DCC: variants seen among roughly 807,000 people sequenced by gnomAD.
DCC encodes DCC netrin 1 receptor.
In DCC, 58 loss-of-function variants were observed where a neutral mutation model predicts 172.5. The observed-to-expected ratio is 0.34, with a 90% confidence interval of 0.27 to 0.42. The LOEUF (loss-of-function observed/expected upper bound fraction) is 0.42, where lower values mean the gene tolerates loss of function less well. Among genes scored for constraint, DCC ranks in the 10% least tolerant of loss-of-function variants. DCC has a pLI of 1.00. For synonymous variants in DCC, 709 were observed against 644.5 expected (o/e 1.10, Z -1.52); for missense variants, 1,740 against 1,791.0 (o/e 0.97, Z 0.51).
chr18:52,938,224 TAAAG>T (rs1468966253), intron 5 of DCC, among the ~76,000 whole-genome samples: 1 of 152,128 alleles, frequency 6.6e-6, no homozygotes, highest in Non-Finnish European at 1.5e-5. Flanking sequence ...AAATCTGTGA[TAAAG>T]ATTCATACCA....
chr18:53,272,459 T>G (rs886453077), intron 12 of DCC, among the ~76,000 whole-genome samples: 2 of 152,160 alleles, frequency 1.3e-5, no homozygotes, highest in African/African-American at 4.8e-5. Flanking sequence ...TGCCACTCTT[T>G]GCCAGAAGAG....
intron 15 of DCC, among the ~76,000 whole-genome samples, 170 bp downstream of exon 15, chr18:53,340,077 TACAC>T (rs1384746117): frequency 2.0e-5 from 2 of 101,324 alleles, no homozygotes; most frequent in East Asian, 4.1e-4. Context: ...CACACACACA[TACAC>T]ACACACACAG....
chr18:52,617,068 A>G (rs1023296159), intron 1 of DCC, among the ~76,000 whole-genome samples: 7 of 152,160 alleles, frequency 4.6e-5, no homozygotes, highest in African/African-American at 1.7e-4. Context: ...GGTGAATATC[A>G]TGGTCAAAGT....
chr18:53,148,237 C>T (rs1390971892), intron 7 of DCC, among the ~76,000 whole-genome samples: 1 of 152,160 alleles, frequency 6.6e-6, no homozygotes, highest in African/African-American at 2.4e-5. Context: ...ACGTTCTTCA[C>T]CGGCAGAGGA....
chr18:52,835,938 A>G (rs28459539), intron 2 of DCC, among the ~76,000 whole-genome samples: 66,130 of 151,714 alleles, frequency 0.44, 14,554 homozygotes, highest in South Asian at 0.55. Flanking sequence ...ATGGAAAAAT[A>G]TCCGAGACTG....
At chr18:53,139,501 T>C (rs1259562133) in intron 7 of DCC, among the ~76,000 whole-genome samples, 1 of 152,186 alleles carries the variant, frequency 6.6e-6, no homozygotes, top group African/African-American at 2.4e-5. Context: ...TTGGTTGGAT[T>C]TTTTTCTTTG....
intron 15 of DCC, among the ~76,000 whole-genome samples, chr18:53,350,486 T>G (rs2144897845): frequency 6.6e-6 from 1 of 152,252 alleles, no homozygotes; most frequent in Non-Finnish European, 1.5e-5. Context: ...ACTAGCAATT[T>G]AAAAACATAA....
chr18:53,005,119 A>G (rs567398295), intron 5 of DCC, among the ~76,000 whole-genome samples: 33 of 152,236 alleles, frequency 2.2e-4, no homozygotes, highest in African/African-American at 6.7e-4. Context: ...GGGCCCCTCA[A>G]TCTTGGACTT....
At chr18:52,964,084 C>G (rs1042040114) in intron 5 of DCC, among the ~76,000 whole-genome samples, 1 of 152,110 alleles carries the variant, frequency 6.6e-6, no homozygotes, top group African/African-American at 2.4e-5. Flanking sequence ...CAGTTAGAGA[C>G]AGGCATATTC....
intron 3 of DCC, among the ~76,000 whole-genome samples, chr18:52,909,924 G>T (rs745518717): frequency 1.3e-5 from 2 of 152,140 alleles, no homozygotes; most frequent in African/African-American, 2.4e-5. Context: ...GCAAAGAGAA[G>T]TATACACCAT....
intron 7 of DCC, among the ~76,000 whole-genome samples, chr18:53,093,733 A>C (rs1568300618): frequency 6.6e-6 from 1 of 152,228 alleles, no homozygotes; most frequent in African/African-American, 2.4e-5. Flanking sequence ...ATTGGCATTC[A>C]TGCTTGAGTG....
chr18:53,368,928 T>A (rs2058032492), intron 15 of DCC, among the ~76,000 whole-genome samples: 1 of 151,958 alleles, frequency 6.6e-6, no homozygotes, highest in Non-Finnish European at 1.5e-5. Flanking sequence ...TTGGACTCCT[T>A]TAAGATTACA....
chr18:53,526,848 T>TCACCCCAGGC (rs113173464), intron 28 of DCC, 89 bp downstream of exon 28: 741,949 of 958,886 alleles, frequency 0.77, 302,356 homozygotes, highest in Admixed American at 0.85. Context: ...TACTGTCCAT[T>TCACCCCAGGC]CACCCCAGGC....
intron 1 of DCC, among the ~76,000 whole-genome samples, chr18:52,661,550 T>G (rs2035360440): frequency 6.6e-6 from 1 of 152,216 alleles, no homozygotes; most frequent in Admixed American, 6.5e-5. Context: ...CCCTGATGCC[T>G]CCACAGGAGA....
At chr18:53,362,965 A>G (rs1287238633) in intron 15 of DCC, among the ~76,000 whole-genome samples, 1 of 152,144 alleles carries the variant, frequency 6.6e-6, no homozygotes, top group East Asian at 1.9e-4. Context: ...TGTATTGTCT[A>G]TGCTCTGTCT....
At chr18:52,447,761 G>A (rs1408830754) in intron 1 of DCC, among the ~76,000 whole-genome samples, 3 of 152,122 alleles carry the variant, frequency 2.0e-5, no homozygotes, top group Non-Finnish European at 4.4e-5. Flanking sequence ...AACCAGAGCA[G>A]CAGTGAGACA....
intron 27 of DCC, among the ~76,000 whole-genome samples, chr18:53,511,518 C>A (rs1047344512): frequency 6.6e-5 from 10 of 152,200 alleles, no homozygotes; most frequent in Admixed American, 1.3e-4. Flanking sequence ...ACGCAGAAGA[C>A]GGGTGATTTC....
At chr18:52,416,375 G>T (rs1238719) in intron 1 of DCC, among the ~76,000 whole-genome samples, 1 of 152,160 alleles carries the variant, frequency 6.6e-6, no homozygotes, top group South Asian at 2.1e-4. Context: ...GAGTTCTGTA[G>T]ATGTCTATTA....
chr18:52,935,986 T>C (rs1462281611), intron 5 of DCC, among the ~76,000 whole-genome samples: 1 of 152,046 alleles, frequency 6.6e-6, no homozygotes, highest in Non-Finnish European at 1.5e-5. Flanking sequence ...AGAAGTGCCT[T>C]AGGTACGTTT....
Sources: allele counts gnomAD v4.1 joint callset (sites outside exome capture counted in the v4.1 genomes callset), GRCh38; gene constraint gnomAD v4.1.1; transcripts MANE v1.5; gene names NCBI Gene and HGNC (gene_info 2026-07-23, HGNC 2026-07-21).